Variants in ONECUT1 observed in about 807,000 individuals in gnomAD.
ONECUT1 encodes the protein one cut homeobox 1.
ONECUT1 carries 12 observed loss-of-function variants against 25.6 expected under a neutral mutation model. The ratio of observed to expected loss-of-function variants is 0.47; its 90% CI spans 0.30 to 0.76. The LOEUF is 0.76. ONECUT1 is among the 30% of genes least tolerant of loss of function. ONECUT1 has a pLI of 0.07. For synonymous variants in ONECUT1, 285 were observed against 270.2 expected, an observed-to-expected ratio of 1.05 and a Z score of -0.54; for missense variants, 620 against 651.2, an observed-to-expected ratio of 0.95 and a Z score of 0.52.
In ONECUT1 at chr15:52,789,493, T is replaced by C. The variant is rs1228848625; in HGVS notation, c.392A>G (p.His131Arg). 2.5e-6 allele frequency: 4 copies of C among 1,611,754 alleles called. No individual in the cohort carries two copies. Among genetic ancestry groups the C allele is most frequent in the Non-Finnish European group, 3.4e-6 (4 of 1,179,202 alleles). ...CTGGTGGTGGTGCGGGTGGTGGTGG[T>C]GATGGTGGTGGTGGTGATGGTGGGG... ...KFPHHHHHHH[H>R]HHHPHHHQRL... The change falls in exon 1 of 2, where the codon CAC becomes CGC. Residue 131 changes from histidine to arginine, a missense_variant. Physicochemically the swap from His to Arg is conservative, Grantham distance 29. Transcript: ENST00000305901. This position sits in a 1 kb window ranked among gnomAD's most constrained non-coding sequence, Gnocchi z 4.1.
chr15:52,760,938 C>T (rs2083702243), intron 1 of ONECUT1, among the ~76,000 whole-genome samples: 1 of 149,874 alleles, frequency 6.7e-6, no homozygotes, highest in South Asian at 2.1e-4. Flanking sequence ...GGACTGTGCA[C>T]TTGTTCCTCC....
chr15:52,766,185 T>C (rs895764564), intron 1 of ONECUT1, among the ~76,000 whole-genome samples: 3 of 152,080 alleles, frequency 2.0e-5, no homozygotes, highest in African/African-American at 7.2e-5. Context: ...CATAAAACCT[T>C]ATCATGTGAT....
At chr15:52,762,704 G>T (rs1258136176) in intron 1 of ONECUT1, among the ~76,000 whole-genome samples, 1 of 152,184 alleles carries the variant, frequency 6.6e-6, no homozygotes, top group Admixed American at 6.5e-5. Context: ...AGATCTGGAG[G>T]AAATGCTGCC....
chr15:52,773,811 G>A (rs985856268), intron 1 of ONECUT1, among the ~76,000 whole-genome samples: 2 of 152,114 alleles, frequency 1.3e-5, no homozygotes, highest in African/African-American at 4.8e-5. Context: ...GTTAAGTACA[G>A]TAATGAATTG....
In ONECUT1 at chr15:52,767,916, G is replaced by A. The variant is rs552356242; in HGVS notation, c.1106-10069C>T. Reference sequence around the variant, plus strand: ...CACGGTTGGAACTGGACGGTATTACGTTCAGTGAAATAAGCCAGGCACAGA... The same window carrying A: ...CACGGTTGGAACTGGACGGTATTACATTCAGTGAAATAAGCCAGGCACAGA... On this transcript the variant is annotated intron_variant, in intron 1 of 1. Transcript: ENST00000305901. 1.2e-3 allele frequency among the ~76,000 whole-genome samples: 186 copies of A among 152,262 alleles called. 1 individual carries two copies. Among genetic ancestry groups the A allele is most frequent in the African/African-American group, 4.0e-3 (167 of 41,536 alleles).
At position 52,788,402 on chromosome 15, in the gene ONECUT1, G is replaced by A. The variant is rs1487954105; in HGVS notation, c.1105+378C>T. ...CATTTGCGTGCGATTCCACGCACGC[G>A]TTGCATCCCTCTTCCCAAACCCGGA... On this transcript the variant is annotated intron_variant, in intron 1 of 1. Coordinates refer to ENST00000305901, the MANE Select transcript of ONECUT1 (RefSeq NM_004498.4). The surrounding 1 kb of genome is among the most constrained non-coding windows in gnomAD (Gnocchi z 4.3). 2 of 205,454 alleles carry A rather than the reference G, an allele frequency of 9.7e-6. 1 individual carries two copies. The highest frequency in any genetic ancestry group is 2.2e-4 in the East Asian group (2 of 9,120). 12.7% of individuals were successfully genotyped at this position (205,454 alleles called of 1,614,324 possible).
intron 1 of ONECUT1, 71 bp from the exon 2 acceptor site, chr15:52,757,918 A>G (rs1041487984): frequency 6.6e-7 from 1 of 1,515,280 alleles, no homozygotes; most frequent in Non-Finnish European, 8.9e-7. Flanking sequence ...GACAGAGCTC[A>G]TAAAATTTGT....
In ONECUT1 at chr15:52,789,422, C is replaced by T; in HGVS notation, c.463G>A (p.Glu155Lys). The T allele has an allele frequency of 6.2e-7, 1 of 1,613,928 alleles. No homozygotes were observed. Among genetic ancestry groups the T allele is most frequent in the Non-Finnish European group, 8.5e-7 (1 of 1,179,986 alleles). The change falls in exon 1 of 2, where the codon GAG becomes AAG. Residue 155 changes from glutamate to lysine, a missense_variant. Physicochemically the swap from Glu to Lys is moderately conservative, Grantham distance 56. Coordinates refer to ENST00000305901, the MANE Select transcript of ONECUT1 (RefSeq NM_004498.4). This position sits in a 1 kb window ranked among gnomAD's most constrained non-coding sequence, Gnocchi z 4.1. ...VSGSFTLMRDERGLASMNNLY... is the reference protein window; with the variant it reads ...VSGSFTLMRDKRGLASMNNLY... ...TTATTCATGGAGGCCAGCCCGCGCT[C>T]ATCCCGCATGAGCGTGAAGCTACCG...
intron 1 of ONECUT1, among the ~76,000 whole-genome samples, chr15:52,764,546 A>G (rs148497499): frequency 8.5e-5 from 13 of 152,212 alleles, no homozygotes; most frequent in African/African-American, 3.1e-4. Flanking sequence ...CAGCTTATCC[A>G]CTCATATGTG....
Position 52,790,303 on chromosome 15 carries a change from G to A in ONECUT1, c.-419C>T, listed in dbSNP as rs758507588. ...GCCGCGTCTGCTGCCTGCCCGCCCCGCTGGCCAGCTTGAGCCATGGCTCTG... is the reference window on the plus strand; with the variant it reads ...GCCGCGTCTGCTGCCTGCCCGCCCCACTGGCCAGCTTGAGCCATGGCTCTG... On this transcript the variant is annotated 5_prime_UTR_variant, in exon 1 of 2. Transcript: ENST00000305901. 6.6e-6 allele frequency among the ~76,000 whole-genome samples: 1 copy of A among 150,654 alleles called. No individual in the cohort carries two copies. The highest frequency in any genetic ancestry group is 1.5e-5 in the Non-Finnish European group (1 of 67,590).
chr15:52,778,885 T>C lies in ONECUT1; in HGVS notation c.1105+9895A>G, dbSNP rs79703436. Among the ~76,000 whole-genome samples, 1,415 of 152,296 alleles carry C rather than the reference T, an allele frequency of 9.3e-3. 24 individuals carry two copies. The highest frequency in any genetic ancestry group is 0.032 in the African/African-American group (1,316 of 41,546). ...CTAAAGCCAAATCCTTCATTCTACATTTATTGAGACTGAGGCCCAGAAAGG... is the reference window on the plus strand; with the variant it reads ...CTAAAGCCAAATCCTTCATTCTACACTTATTGAGACTGAGGCCCAGAAAGG... On this transcript the variant is annotated intron_variant, in intron 1 of 1. Transcript: ENST00000305901.
chr15:52,757,838 C>G lies in ONECUT1; in HGVS notation c.1115G>C (p.Arg372Thr), dbSNP rs1300012097. ...MSALRLAACK[R>T]KEQEHGKDRG... ...ATCCTTCCCATGTTCTTGTTCTTTC[C>G]TTTTGCATGCTGTGAAGAAACACAG... Residue 372 changes from arginine to threonine, a missense_variant, in exon 2 of 2, where the codon AGG becomes ACG. Arg to Thr is a moderately conservative substitution (Grantham distance 71). This residue lies in a region of ONECUT1 where 146 missense variants were observed against 201.8 expected (regional missense o/e 0.72). Transcript: ENST00000305901. The G allele has an allele frequency of 6.2e-7, 1 of 1,612,628 alleles. No individual in the cohort carries two copies.
At chr15:52,765,266 A>G (rs1689834486) in intron 1 of ONECUT1, among the ~76,000 whole-genome samples, 1 of 152,190 alleles carries the variant, frequency 6.6e-6, no homozygotes, top group Admixed American at 6.5e-5. Context: ...GTGGTTGCAA[A>G]GCTCTGTGAC....
Position 52,789,446 on chromosome 15 carries a change from C to A in ONECUT1, c.439G>T (p.Gly147Cys), listed in dbSNP as rs1248684033. ...HHQRLAGNVSGSFTLMRDERG... is the reference protein window; with the variant it reads ...HHQRLAGNVSCSFTLMRDERG... ...TCATCCCGCATGAGCGTGAAGCTAC[C>A]GCTCACGTTGCCCGCCAGGCGCTGG... is the stretch of plus-strand genomic sequence containing the variant. The change falls in exon 1 of 2, where the codon GGT (glycine) becomes TGT (cysteine). Residue 147 changes from glycine (G) to cysteine (C), a missense_variant. Coordinates refer to ENST00000305901, the MANE Select transcript of ONECUT1 (RefSeq NM_004498.4). The surrounding 1 kb of genome is among the most constrained non-coding windows in gnomAD (Gnocchi z 4.1). The A allele has an allele frequency of 1.2e-6, 2 of 1,613,678 alleles. No homozygotes were observed. Among genetic ancestry groups the A allele is most frequent in the Admixed American group, 1.7e-5 (1 of 59,984 alleles).
In ONECUT1 at chr15:52,789,371, C is replaced by A. The variant is rs1341677564; in HGVS notation, c.514G>T (p.Val172Leu). The change falls in exon 1 of 2, where the codon GTG becomes TTG. Residue 172 changes from valine to leucine, a missense_variant. Coordinates refer to ENST00000305901, the MANE Select transcript of ONECUT1 (RefSeq NM_004498.4). The surrounding 1 kb of genome is among the most constrained non-coding windows in gnomAD (Gnocchi z 4.1). ...NNLYTPYHKD[V>L]AGMGQSLSPL... ...GAGAGGCTCTGGCCCATGCCGGCCA[C>A]GTCCTTGTGGTAGGGGGTATAGAGG... The A allele has an allele frequency of 2.5e-6, 4 of 1,609,818 alleles. No individual in the cohort carries two copies. Among genetic ancestry groups the A allele is most frequent in the African/African-American group, 2.7e-5 (2 of 74,870 alleles).
chr15:52,786,774 C>G (rs2083877800), intron 1 of ONECUT1, among the ~76,000 whole-genome samples: 1 of 144,100 alleles, frequency 6.9e-6, no homozygotes, highest in Non-Finnish European at 1.5e-5. Flanking sequence ...TCTGTCCTTC[C>G]AGGGGGCGAC....
intron 1 of ONECUT1, among the ~76,000 whole-genome samples, chr15:52,774,256 T>C (rs1018669476): frequency 3.3e-5 from 5 of 151,244 alleles, no homozygotes; most frequent in African/African-American, 1.2e-4. Context: ...AAAGGATGTA[T>C]ATAATACTAA....
chr15:52,777,725 C>CAAA, intron 1 of ONECUT1, among the ~76,000 whole-genome samples: 1 of 99,434 alleles, frequency 1.0e-5, no homozygotes, highest in South Asian at 3.1e-4. Flanking sequence ...CACACACACA[C>CAAA]ACACACACAC....
intron 1 of ONECUT1, among the ~76,000 whole-genome samples, chr15:52,765,114 G>A (rs1468098968): frequency 1.3e-5 from 2 of 152,190 alleles, no homozygotes; most frequent in Non-Finnish European, 2.9e-5. Context: ...AAAGCATGTG[G>A]GCCAGAATAT....
Sources: gnomAD v4.1 joint callset for allele counts (sites outside exome capture counted in the v4.1 genomes callset) on GRCh38, gnomAD v4.1.1 for gene constraint, gnomAD v4.1.1 regional missense constraint, Gnocchi (gnomAD v3.1) non-coding constraint, MANE v1.5 for transcripts, NCBI Gene and HGNC (gene_info 2026-07-23, HGNC 2026-07-21) for gene names.